Variants in ZNF605 observed in about 807,000 individuals in gnomAD.
The protein encoded by ZNF605 is zinc finger protein 605.
In ZNF605, 9 loss-of-function variants were observed where a neutral mutation model predicts 7.9. The ratio of observed to expected loss-of-function variants is 1.14; its 90% confidence interval spans 0.68 to 1.98. ZNF605 has a LOEUF of 1.98. Among genes scored for constraint, ZNF605 ranks in the 30% most tolerant of loss-of-function variants. The probability of loss-of-function intolerance (pLI) is 0.00; values close to 1 mark genes in which losing one functional copy is unlikely to be tolerated. For synonymous variants in ZNF605, 255 were observed against 260.1 expected, an observed-to-expected ratio of 0.98 and a Z score of 0.19; for missense variants, 673 against 762.4, an observed-to-expected ratio of 0.88 and a Z score of 1.38.
At chr12:132,954,505 G>T (rs937082296) in intron 1 of ZNF605, among the ~76,000 whole-genome samples, 1 of 133,158 alleles carries the variant, frequency 7.5e-6, no homozygotes, top group Non-Finnish European at 1.7e-5. Context: ...GAACACACTG[G>T]TCTCCATTCA....
chr12:132,925,345 C>A lies in ZNF605; in HGVS notation c.*28G>T, dbSNP rs766834151. The A allele has an allele frequency of 6.6e-7, 1 of 1,510,822 alleles. No individual in the cohort carries two copies. Among genetic ancestry groups the A allele is most frequent in the Non-Finnish European group, 8.9e-7 (1 of 1,118,734 alleles). The allele number at this position is 1,510,822 out of a possible 1,614,324, so 93.6% of individuals were successfully genotyped here. The stretch of plus-strand genomic sequence containing the variant: ...AGAAAGTATGACACTTGATAGCAAC[C>A]TTTCTGCATTCGCCAAAGTCATGAT... On this transcript the variant is annotated 3_prime_UTR_variant, in exon 5 of 5. Transcript: ENST00000360187.
intron 3 of ZNF605, among the ~76,000 whole-genome samples, chr12:132,939,732 T>G (rs1370330194): frequency 1.3e-5 from 2 of 152,214 alleles, no homozygotes; most frequent in Admixed American, 6.5e-5. Context: ...TTCCACACTG[T>G]GCAGGCTTTG....
chr12:132,932,044 C>T (rs1835778636), intron 4 of ZNF605, among the ~76,000 whole-genome samples: 1 of 152,222 alleles, frequency 6.6e-6, no homozygotes, highest in African/African-American at 2.4e-5. Context: ...CCACCTCAGC[C>T]TCCCAGGTAG....
intron 2 of ZNF605, 62 bp from the exon 3 acceptor site, chr12:132,945,859 G>T: frequency 1.5e-6 from 1 of 656,358 alleles, no homozygotes; most frequent in Non-Finnish European, 2.7e-6. Context: ...CTAAATCTTG[G>T]TGTTCTCTTG....
intron 3 of ZNF605, among the ~76,000 whole-genome samples, chr12:132,940,249 G>A (rs2137147057): frequency 6.6e-6 from 1 of 152,262 alleles, no homozygotes; most frequent in East Asian, 1.9e-4. Context: ...GCCACAGAGG[G>A]GCCTCACAGA....
In ZNF605 at chr12:132,926,050, C is replaced by G; in HGVS notation, c.1249G>C (p.Gly417Arg). 6.2e-7 allele frequency: 1 copy of G among 1,614,182 alleles called. No individual in the cohort carries two copies. The highest frequency in any genetic ancestry group is 8.5e-7 in the Non-Finnish European group (1 of 1,180,036). ...TGAATGCATCCATATGGTTTCTCTC[C>G]TAAGTGAATTTTTTGATGTCTTATT... ...ELIRHQKIHL[G>R]EKPYGCIQCG... is the part of the protein sequence containing the mutation. The change falls in exon 5 of 5, where the codon GGA becomes CGA. Residue 417 changes from glycine (G) to arginine (R), a missense_variant. Coordinates refer to ENST00000360187, the MANE Select transcript of ZNF605 (RefSeq NM_183238.4).
chr12:132,932,651 C>G (rs1952319812), intron 4 of ZNF605: 2 of 1,092,352 alleles, frequency 1.8e-6, no homozygotes, highest in Non-Finnish European at 1.3e-6. Flanking sequence ...AAAGTGCCCA[C>G]CTGTCATCAA....
intron 1 of ZNF605, among the ~76,000 whole-genome samples, chr12:132,955,545 G>T (rs1458342872): frequency 2.0e-5 from 3 of 152,126 alleles, no homozygotes; most frequent in African/African-American, 7.2e-5. Flanking sequence ...TAGGGAACGG[G>T]AGATCTTTGC....
At chr12:132,937,372 A>G (rs1445387308) in intron 3 of ZNF605, among the ~76,000 whole-genome samples, 1 of 151,846 alleles carries the variant, frequency 6.6e-6, no homozygotes, top group African/African-American at 2.4e-5. Flanking sequence ...AAAAAAAAAA[A>G]AAAAAAAAGA....
Position 132,921,943 on chromosome 12 carries a change from A to T in ZNF605, c.*3430T>A, listed in dbSNP as rs1393890703. 6.6e-6 allele frequency: 1 copy of T among 152,246 alleles called. No individual in the cohort carries two copies. Among genetic ancestry groups the T allele is most frequent in the Admixed American group, 6.5e-5 (1 of 15,290 alleles). 9.4% of individuals were successfully genotyped at this position (152,246 alleles called of 1,614,324 possible). ...ATTAGCGCCGTAAGGTTGTAAGAGA[A>T]GCAACTCTGGCTTGATCTTAGAAAA... On this transcript the variant is annotated 3_prime_UTR_variant, in exon 5 of 5. Coordinates refer to ENST00000360187, the MANE Select transcript of ZNF605 (RefSeq NM_183238.4).
intron 1 of ZNF605, among the ~76,000 whole-genome samples, chr12:132,953,653 T>C (rs945177696): frequency 1.4e-5 from 2 of 147,252 alleles, no homozygotes; most frequent in Middle Eastern, 3.5e-3. Context: ...TGTGGATCTC[T>C]TGACCTCCTG....
Position 132,933,714 on chromosome 12 carries a change from T to C in ZNF605, c.16-559A>G, listed in dbSNP as rs899395956. ...AATGAATAACCAATATAATCTAATA[T>C]AATAAATATAATAATCTTGCATTAT... On this transcript the variant is annotated intron_variant, in intron 3 of 4. Coordinates refer to ENST00000360187, the MANE Select transcript of ZNF605 (RefSeq NM_183238.4). This position sits in a 1 kb window ranked among gnomAD's most constrained non-coding sequence, Gnocchi z 4.4. 4.1e-4 allele frequency among the ~76,000 whole-genome samples: 63 copies of C among 152,316 alleles called. No individual in the cohort carries two copies. The highest frequency in any genetic ancestry group is 9.8e-4 in the Admixed American group (15 of 15,288).
intron 4 of ZNF605, among the ~76,000 whole-genome samples, chr12:132,929,142 T>A (rs1313954167): frequency 6.6e-6 from 1 of 152,204 alleles, no homozygotes; most frequent in Non-Finnish European, 1.5e-5. Context: ...CTGCGGTGAC[T>A]GATGCCTGGA....
At chr12:132,946,457 G>A (rs1952495124) in intron 2 of ZNF605, among the ~76,000 whole-genome samples, 4 of 152,336 alleles carry the variant, frequency 2.6e-5, no homozygotes, top group Non-Finnish European at 4.4e-5. Flanking sequence ...GCCAGAGGGC[G>A]CAGCAAGACA....
chr12:132,939,532 C>T (rs1489837512), intron 3 of ZNF605, among the ~76,000 whole-genome samples: 163 of 152,198 alleles, frequency 1.1e-3, no homozygotes, highest in African/African-American at 3.8e-3. Flanking sequence ...TGTGTGGAAA[C>T]TCTGTATCTA....
Position 132,923,272 on chromosome 12 carries a change from C to A in ZNF605, c.*2101G>T, listed in dbSNP as rs1373220309. ...CTTTTATATTTACCCACATATTCACCATTTTCAGAACTTCATTCCTTTGTA... is the reference window on the plus strand; with the variant it reads ...CTTTTATATTTACCCACATATTCACAATTTTCAGAACTTCATTCCTTTGTA... On this transcript the variant is annotated 3_prime_UTR_variant, in exon 5 of 5. Coordinates refer to ENST00000360187, the MANE Select transcript of ZNF605 (RefSeq NM_183238.4). The A allele has an allele frequency of 6.6e-6, 1 of 152,138 alleles. No individual in the cohort carries two copies. The highest frequency in any genetic ancestry group is 1.5e-5 in the Non-Finnish European group (1 of 68,034). The allele number at this position is 152,138 out of a possible 1,614,324, so 9.4% of individuals were successfully genotyped here.
intron 2 of ZNF605, among the ~76,000 whole-genome samples, chr12:132,947,273 C>T (rs1428048671): frequency 6.6e-6 from 1 of 152,104 alleles, no homozygotes; most frequent in Non-Finnish European, 1.5e-5. Flanking sequence ...CCTCAGCCTC[C>T]CAAAGTGCTG....
At chr12:132,947,908 G>C (rs1367661150) in intron 2 of ZNF605, among the ~76,000 whole-genome samples, 3 of 151,942 alleles carry the variant, frequency 2.0e-5, no homozygotes, top group Non-Finnish European at 4.4e-5. Flanking sequence ...AGTTCCACAG[G>C]GACTGGGGTC....
rs918877168 is a variant in ZNF605 at position 132,923,019 on chromosome 12, T to C, written c.*2354A>G. On this transcript the variant is annotated 3_prime_UTR_variant, in exon 5 of 5. Coordinates refer to ENST00000360187, the MANE Select transcript of ZNF605 (RefSeq NM_183238.4). The stretch of plus-strand genomic sequence containing the variant: ...ACTCAGCACACATGCAGATCCACAA[T>C]ACATACAATTTCTGTCATGTGCCTG... 3.3e-5 allele frequency: 5 copies of C among 152,160 alleles called. No individual in the cohort carries two copies. The highest frequency in any genetic ancestry group is 9.7e-5 in the African/African-American group (4 of 41,438). The allele number at this position is 152,160 out of a possible 1,614,324, so 9.4% of individuals were successfully genotyped here.
Sources: gnomAD v4.1 joint callset for allele counts (sites outside exome capture counted in the v4.1 genomes callset) on GRCh38, gnomAD v4.1.1 for gene constraint, Gnocchi (gnomAD v3.1) non-coding constraint, MANE v1.5 for transcripts, NCBI Gene and HGNC (gene_info 2026-07-23, HGNC 2026-07-21) for gene names.